Variants in PPM1L observed in about 807,000 individuals in gnomAD.
PPM1L encodes the protein protein phosphatase 1L.
Under a neutral mutation model 31.4 loss-of-function variants are expected in PPM1L, and 13 were observed. The ratio of observed to expected loss-of-function variants is 0.41; its 90% CI spans 0.27 to 0.66. The LOEUF (loss-of-function observed/expected upper bound fraction) is 0.66, where lower values mean the gene tolerates loss of function less well. Among genes scored for constraint, PPM1L ranks in the 30% least tolerant of loss-of-function variants. PPM1L has a pLI of 0.29. For synonymous variants in PPM1L, 184 were observed against 175.4 expected (o/e 1.05, Z -0.39); for missense variants, 326 against 453.7 (o/e 0.72, Z 2.56).
chr3:161,044,011 A>T (rs1365800633), intron 2 of PPM1L, among the ~76,000 whole-genome samples: 3 of 152,128 alleles, frequency 2.0e-5, no homozygotes, highest in Non-Finnish European at 4.4e-5. Flanking sequence ...TACCAGAAAG[A>T]TTTATTTGAA....
chr3:160,858,899 A>G (rs950915450), intron 1 of PPM1L, among the ~76,000 whole-genome samples: 2 of 151,948 alleles, frequency 1.3e-5, no homozygotes, highest in Non-Finnish European at 2.9e-5. Flanking sequence ...AAAAGTTCCT[A>G]CTTTCAAGTA....
At chr3:160,903,164 AGT>A (rs60731351) in intron 1 of PPM1L, among the ~76,000 whole-genome samples, 12,809 of 106,504 alleles carry the variant, frequency 0.12, 608 homozygotes, top group East Asian at 0.18. Context: ...TAGAAGCAAT[AGT>A]GTGTGTGTGT....
At chr3:160,877,270 A>C (rs1295663065) in intron 1 of PPM1L, among the ~76,000 whole-genome samples, 1 of 152,196 alleles carries the variant, frequency 6.6e-6, no homozygotes, top group Non-Finnish European at 1.5e-5. Flanking sequence ...AGGCTGGAGA[A>C]AAATTTGGCT....
intron 2 of PPM1L, among the ~76,000 whole-genome samples, chr3:161,054,608 C>T (rs1167473817): frequency 6.6e-6 from 1 of 152,088 alleles, no homozygotes; most frequent in Non-Finnish European, 1.5e-5. Context: ...GTAGCAATGG[C>T]CTGCCCTGAT....
At chr3:160,889,791 A>G (rs1713069689) in intron 1 of PPM1L, among the ~76,000 whole-genome samples, 1 of 152,238 alleles carries the variant, frequency 6.6e-6, no homozygotes, top group Admixed American at 6.5e-5. Flanking sequence ...GCATATCAAA[A>G]AACGTATCCA....
At chr3:160,767,138 A>G (rs1186682516) in intron 1 of PPM1L, among the ~76,000 whole-genome samples, 3 of 152,132 alleles carry the variant, frequency 2.0e-5, no homozygotes, top group Non-Finnish European at 4.4e-5. Context: ...TGTATTTCTG[A>G]GACTCACAGA....
At chr3:161,034,223 AACACTTTT>A (rs1455209550) in intron 2 of PPM1L, among the ~76,000 whole-genome samples, 1 of 152,214 alleles carries the variant, frequency 6.6e-6, no homozygotes, top group Non-Finnish European at 1.5e-5. Flanking sequence ...GAGAAATAGG[AACACTTTT>A]ACACTGTTGG....
At chr3:160,938,056 T>G (rs527278415) in intron 1 of PPM1L, among the ~76,000 whole-genome samples, 1 of 152,342 alleles carries the variant, frequency 6.6e-6, no homozygotes, top group South Asian at 2.1e-4. Context: ...TGCTTCATCC[T>G]TATATCATTA....
intron 1 of PPM1L, among the ~76,000 whole-genome samples, chr3:160,890,886 A>C (rs1201942512): frequency 1.3e-5 from 2 of 152,222 alleles, no homozygotes; most frequent in Non-Finnish European, 2.9e-5. Context: ...AGGATCTCCT[A>C]TTCAATAAAT....
At chr3:161,058,155 C>T (rs1164938629) in intron 2 of PPM1L, among the ~76,000 whole-genome samples, 1 of 56,420 alleles carries the variant, frequency 1.8e-5, no homozygotes, top group Non-Finnish European at 4.7e-5. Context: ...CGCAGAGTCT[C>T]ACTCTGTCAG....
intron 2 of PPM1L, among the ~76,000 whole-genome samples, chr3:161,032,692 CTTTT>C (rs35384021): frequency 7.2e-6 from 1 of 139,352 alleles, no homozygotes. Context: ...CAGAGAAGTC[CTTTT>C]TTTTTTTTTT....
intron 1 of PPM1L, among the ~76,000 whole-genome samples, chr3:160,939,423 C>G (rs1715088455): frequency 6.6e-6 from 1 of 152,250 alleles, no homozygotes; most frequent in Middle Eastern, 3.4e-3. Context: ...GCTCACATAT[C>G]CCTTTGGACA....
intron 1 of PPM1L, among the ~76,000 whole-genome samples, chr3:160,916,087 CACAGCCAAAGAA>C (rs1404435439): frequency 6.6e-6 from 1 of 152,170 alleles, no homozygotes; most frequent in Non-Finnish European, 1.5e-5. Flanking sequence ...GGAGCTTCTG[CACAGCCAAAGAA>C]ACTACCATCG....
intron 1 of PPM1L, among the ~76,000 whole-genome samples, chr3:160,828,716 T>C (rs1214066688): frequency 6.6e-6 from 1 of 152,040 alleles, no homozygotes; most frequent in Non-Finnish European, 1.5e-5. Flanking sequence ...CTCTTGCGTC[T>C]CCTGCATTAT....
rs1160070860 is a variant in PPM1L, at chr3:161,076,274, G to A, written c.*7117G>A. On this transcript the variant is annotated 3_prime_UTR_variant, in exon 4 of 4. Coordinates refer to ENST00000498165, the MANE Select transcript of PPM1L (RefSeq NM_139245.4). ...TCTTAGGACAAATGATGACTTCTTC[G>A]TGTAGTAATGAAAACGTCTAAATCC... 2 of 152,132 alleles carry A rather than the reference G, an allele frequency of 1.3e-5. No individual in the cohort carries two copies. Among genetic ancestry groups the A allele is most frequent in the East Asian group, 3.8e-4 (2 of 5,198 alleles). The allele number at this position is 152,132 out of a possible 1,614,324, so 9.4% of individuals were successfully genotyped here. A position where few individuals can be genotyped will look rare whatever the true frequency, so the allele number is the denominator to read the frequency against.
rs148637764 is a variant in PPM1L, at chr3:160,980,062, T to G, written c.574+18152T>G. 4.0e-3 allele frequency among the ~76,000 whole-genome samples: 610 copies of G among 152,048 alleles called. 6 individuals carry two copies. Among genetic ancestry groups the G allele is most frequent in the Non-Finnish European group, 6.4e-3 (432 of 67,954 alleles). ...CTGGTTCCAGATTCCAGGGTAGGGC[T>G]GGCCTTATTGGAAAAAAAATAAAAA... On this transcript the variant is annotated intron_variant, in intron 2 of 3. Transcript: ENST00000498165.
chr3:160,989,320 G>A (rs1016861895), intron 2 of PPM1L, among the ~76,000 whole-genome samples: 5 of 151,918 alleles, frequency 3.3e-5, no homozygotes, highest in African/African-American at 1.2e-4. Context: ...CCTCTCTAAA[G>A]TAGTAACTCT....
At chr3:160,778,104 C>G (rs150962905) in intron 1 of PPM1L, among the ~76,000 whole-genome samples, 25 of 152,184 alleles carry the variant, frequency 1.6e-4, no homozygotes, top group East Asian at 1.4e-3. Context: ...TGCATTTTCT[C>G]TAATGATTTG....
rs939186140 is a variant in PPM1L, at chr3:160,845,263, C to A, written c.399+88556C>A. Among the ~76,000 whole-genome samples, 5 of 152,040 alleles carry A rather than the reference C, an allele frequency of 3.3e-5. No homozygotes were observed. In the East Asian group the frequency reaches 9.7e-4, roughly 29 times the overall value. ...ATGTTTCTTATATATCCAATATGTA[C>A]ATAAAAAGAATATGGTACATATATT... On this transcript the variant is annotated intron_variant, in intron 1 of 3. Coordinates refer to ENST00000498165, the MANE Select transcript of PPM1L (RefSeq NM_139245.4).
Sources: allele counts gnomAD v4.1 joint callset (sites outside exome capture counted in the v4.1 genomes callset), GRCh38; gene constraint gnomAD v4.1.1; transcripts MANE v1.5; gene names NCBI Gene and HGNC (gene_info 2026-07-23, HGNC 2026-07-21).